The following BEAN1 variants were observed in gnomAD, a reference collection of about 807,000 sequenced individuals.
BEAN1 encodes the protein brain expressed associated with NEDD4 1, also known as protein BEAN1.
In BEAN1, 17 loss-of-function variants were observed where a neutral mutation model predicts 17.7. That is an observed-to-expected ratio of 0.96 (90% CI 0.66 to 1.44). The LOEUF (loss-of-function observed/expected upper bound fraction) is 1.44. Ranked by LOEUF, BEAN1 falls within the 40% of genes most tolerant of loss-of-function variation. The pLI, the probability that BEAN1 is intolerant of heterozygous loss-of-function variation, is 0.00. For missense variants in BEAN1, 359 were observed against 374.1 expected, an observed-to-expected ratio of 0.96 and a Z score of 0.33; for synonymous variants, 142 against 151.8, an observed-to-expected ratio of 0.94 and a Z score of 0.47.
intron 4 of BEAN1, among the ~76,000 whole-genome samples, chr16:66,491,505 G>C (rs1408293437): frequency 6.6e-6 from 1 of 152,140 alleles, no homozygotes; most frequent in Admixed American, 6.5e-5. Context: ...AAGAAATTGA[G>C]GGCTAAAGAG....
intron 2 of BEAN1, among the ~76,000 whole-genome samples, chr16:66,458,639 T>A (rs899231353): frequency 1.4e-5 from 2 of 146,200 alleles, no homozygotes; most frequent in African/African-American, 5.0e-5. Context: ...TGATAAATTA[T>A]CAGATAAACC....
intron 3 of BEAN1, among the ~76,000 whole-genome samples, chr16:66,474,594 G>A (rs1326260079): frequency 0.011 from 267 of 23,516 alleles, 13 homozygotes; most frequent in African/African-American, 0.037. Context: ...GGGAGGGAGG[G>A]AGGGAGGGAG....
At chr16:66,464,990 G>A (rs568103716) in intron 2 of BEAN1, among the ~76,000 whole-genome samples, 3 of 152,284 alleles carry the variant, frequency 2.0e-5, no homozygotes, top group East Asian at 1.9e-4. Context: ...ATAGGGAGAA[G>A]GTTTTAGTAT....
At chr16:66,478,617 AAATAAT>A (rs896625268) in intron 4 of BEAN1, among the ~76,000 whole-genome samples, 14 of 152,166 alleles carry the variant, frequency 9.2e-5, no homozygotes, top group East Asian at 1.9e-4. Flanking sequence ...AATAATAATA[AAATAAT>A]AATAATAATA....
rs1462367186 is a variant in BEAN1, at chr16:66,434,228, C to T, written c.-82-3367C>T. 6.6e-6 allele frequency among the ~76,000 whole-genome samples: 1 copy of T among 151,386 alleles called. No individual in the cohort carries two copies. Among genetic ancestry groups the T allele is most frequent in the East Asian group, 1.9e-4 (1 of 5,142 alleles). On this transcript the variant is annotated intron_variant, in intron 1 of 4. Coordinates refer to ENST00000536005, the MANE Select transcript of BEAN1 (RefSeq NM_001178020.3). This position sits in a 1 kb window ranked among gnomAD's most constrained non-coding sequence, Gnocchi z 4.3. Reference sequence around the variant, plus strand: ...CTGCCCCCGACCCCGACCCCAACCCCGACCCCGACCCCTGGCAAAGGAACC... The same window carrying T: ...CTGCCCCCGACCCCGACCCCAACCCTGACCCCGACCCCTGGCAAAGGAACC...
intron 3 of BEAN1, among the ~76,000 whole-genome samples, chr16:66,470,266 G>A (rs933603477): frequency 3.9e-5 from 6 of 152,016 alleles, no homozygotes; most frequent in Non-Finnish European, 7.4e-5. Context: ...ATGGATGGGT[G>A]AGAAGGGAGA....
chr16:66,477,026 G>A (rs940737865), intron 3 of BEAN1, among the ~76,000 whole-genome samples: 2 of 152,018 alleles, frequency 1.3e-5, no homozygotes, highest in Admixed American at 6.6e-5. Context: ...ACTCTCCACC[G>A]CATTTTCCAT....
intron 2 of BEAN1, among the ~76,000 whole-genome samples, chr16:66,448,651 G>GT (rs1017277975): frequency 6.6e-6 from 1 of 151,948 alleles, no homozygotes; most frequent in African/African-American, 2.4e-5. Context: ...GCAAAACCTC[G>GT]TCTCTACTAA....
downstream of BEAN1, chr16:66,484,165 C>T (rs1298842549): frequency 4.8e-6 from 1 of 207,296 alleles, no homozygotes; most frequent in Admixed American, 5.3e-5. The surrounding 1 kb of genome is among the most constrained non-coding windows in gnomAD (Gnocchi z 4.2). Context: ...ATGTCCCCCT[C>T]TCTGTAAGCA....
At chr16:66,492,940 C>A (rs1431391575) in intron 4 of BEAN1, 2 of 696,162 alleles carry the variant, frequency 2.9e-6, no homozygotes, top group Non-Finnish European at 5.2e-6. Context: ...CCACTCCTAA[C>A]AAGCTCCCTT....
chr16:66,491,026 C>T (rs547021118), intron 4 of BEAN1, among the ~76,000 whole-genome samples: 3 of 152,180 alleles, frequency 2.0e-5, no homozygotes, highest in Admixed American at 1.3e-4. Flanking sequence ...CATATCCAGC[C>T]CCCCCGAAGC....
Position 66,473,706 on chromosome 16 carries a change from AAATAAATAAATAAAT to A in BEAN1, c.290-3844_290-3830del. Reference sequence around the variant, plus strand: ...AGCAAGACCCTGTCTCTAAATAAATAAATAAATAAATAAATAATAAATAATAAATAAAGAGGGAGG... The same window carrying A: ...AGCAAGACCCTGTCTCTAAATAAATAAATAAATAATAAATAAAGAGGGAGG... On this transcript the variant is annotated intron_variant, in intron 3 of 4. Transcript: ENST00000536005. The surrounding 1 kb of genome is among the most constrained non-coding windows in gnomAD (Gnocchi z 4.5). 6.6e-6 allele frequency among the ~76,000 whole-genome samples: 1 copy of A among 151,664 alleles called. No homozygotes were observed. Among genetic ancestry groups the A allele is most frequent in the Admixed American group, 6.6e-5 (1 of 15,238 alleles).
chr16:66,462,741 C>T (rs906570023), intron 2 of BEAN1, among the ~76,000 whole-genome samples: 2 of 151,790 alleles, frequency 1.3e-5, no homozygotes, highest in Admixed American at 6.6e-5. Flanking sequence ...GCAGATGTTG[C>T]GGTGAGCTGA....
At chr16:66,466,474 T>G (rs1215290607) in intron 2 of BEAN1, among the ~76,000 whole-genome samples, 1 of 152,278 alleles carries the variant, frequency 6.6e-6, no homozygotes, top group Non-Finnish European at 1.5e-5. Context: ...GTTGTTGATT[T>G]GAGATCTTTT....
chr16:66,429,686 C>T (rs1049608513), intron 1 of BEAN1, among the ~76,000 whole-genome samples: 8 of 152,172 alleles, frequency 5.3e-5, no homozygotes, highest in Non-Finnish European at 8.8e-5. Context: ...TCCCTCTCTC[C>T]TCTTCTTCCT....
At chr16:66,449,693 A>G (rs964272485) in intron 2 of BEAN1, among the ~76,000 whole-genome samples, 1 of 152,070 alleles carries the variant, frequency 6.6e-6, no homozygotes, top group African/African-American at 2.4e-5. Context: ...AGGTACCTCC[A>G]ATGCTTTAAA....
rs947076270 is a variant in BEAN1, at chr16:66,477,567, C to A, written c.297C>A (p.Asp99Glu). ...GTGGTCTGTTCCCTGCAGTGTCGGA[C>A]GAGCACACATACAGCCGCTCAAGCC... ...HREYEHGYVS[D>E]EHTYSRSSRR... is the part of the protein sequence containing the mutation. The change falls in exon 4 of 5, where the codon GAC becomes GAA. Residue 99 changes from aspartate to glutamate, a missense_variant. Asp to Glu is a conservative substitution (Grantham distance 45). Coordinates refer to ENST00000536005, the MANE Select transcript of BEAN1 (RefSeq NM_001178020.3). 6.5e-7 allele frequency: 1 copy of A among 1,543,556 alleles called. No individual in the cohort carries two copies. The highest frequency in any genetic ancestry group is 1.4e-5 in the African/African-American group (1 of 73,080).
At position 66,469,866 on chromosome 16, in the gene BEAN1, G is replaced by A; in HGVS notation, c.289+1G>A. ...CACCGAGAGTACGAGCACGGCTACG[G>A]TGAGCCGCCGCCCACCCTGGGGCCC... On this transcript the variant is annotated splice_donor_variant, in intron 3 of 4. Transcript: ENST00000536005. LOFTEE classifies it high-confidence loss of function. 1 of 1,532,806 alleles carries A rather than the reference G, an allele frequency of 6.5e-7. No homozygotes were observed. Among genetic ancestry groups the A allele is most frequent in the Non-Finnish European group, 8.7e-7 (1 of 1,145,600 alleles). 95.0% of individuals were successfully genotyped at this position (1,532,806 alleles called of 1,614,324 possible).
At chr16:66,435,150 C>T (rs1049679954) in intron 1 of BEAN1, among the ~76,000 whole-genome samples, 6 of 151,976 alleles carry the variant, frequency 3.9e-5, no homozygotes, top group African/African-American at 1.4e-4. Context: ...GATGATCAGC[C>T]CAGGGTGTCT....
Sources: gnomAD v4.1 joint callset for allele counts (sites outside exome capture counted in the v4.1 genomes callset) on GRCh38, gnomAD v4.1.1 for gene constraint, Gnocchi (gnomAD v3.1) non-coding constraint, MANE v1.5 for transcripts, NCBI Gene and HGNC (gene_info 2026-07-23, HGNC 2026-07-21) for gene names.